Variants in SLIT3 observed in about 807,000 individuals in gnomAD.
SLIT3 encodes the protein slit guidance ligand 3.
A neutral mutation model predicts 184.0 loss-of-function variants in SLIT3; 68 were observed. That is an observed-to-expected ratio of 0.37 (90% confidence interval 0.30 to 0.45). The LOEUF is 0.45. Ranked by LOEUF, SLIT3 falls within the 20% of genes least tolerant of loss-of-function variation. The pLI is 1.00. For missense variants in SLIT3, 1,707 were observed against 2,026.0 expected, an observed-to-expected ratio of 0.84 and a Z score of 3.02; for synonymous variants, 831 against 828.6, an observed-to-expected ratio of 1.00 and a Z score of -0.05.
intron 3 of SLIT3, among the ~76,000 whole-genome samples, chr5:169,210,798 A>G (rs1687193926): frequency 6.6e-6 from 1 of 152,230 alleles, no homozygotes; most frequent in Non-Finnish European, 1.5e-5. Context: ...AAACTGGTTC[A>G]TTGTTTCCAA....
At chr5:169,236,468 G>GT (rs1233351135) in intron 3 of SLIT3, among the ~76,000 whole-genome samples, 2 of 109,528 alleles carry the variant, frequency 1.8e-5, no homozygotes, top group Non-Finnish European at 3.9e-5. Flanking sequence ...CAAGAAAAGT[G>GT]TTTTGTTTTG....
chr5:168,850,113 T>A (rs574346626), intron 5 of SLIT3, among the ~76,000 whole-genome samples: 1 of 152,202 alleles, frequency 6.6e-6, no homozygotes, highest in South Asian at 2.1e-4. Flanking sequence ...AGGAAAAAAA[T>A]TATCTTCAAA....
intron 4 of SLIT3, among the ~76,000 whole-genome samples, chr5:168,952,534 A>AAAAAAAAAAAAAAAAG (rs1271244382): frequency 1.9e-3 from 117 of 60,312 alleles, no homozygotes; most frequent in African/African-American, 8.4e-3. Flanking sequence ...ATGCCAAAAA[A>AAAAAAAAAAAAAAAAG]AAAAAAAAAA....
intron 3 of SLIT3, among the ~76,000 whole-genome samples, chr5:169,208,079 A>AG (rs1383900318): frequency 6.6e-6 from 1 of 152,242 alleles, no homozygotes; most frequent in African/African-American, 2.4e-5. Flanking sequence ...CAAACAGGGA[A>AG]GAAAAAAAAG....
intron 4 of SLIT3, among the ~76,000 whole-genome samples, chr5:168,961,857 CAT>C (rs1491198034): frequency 5.4e-5 from 6 of 110,434 alleles, no homozygotes; most frequent in Admixed American, 1.8e-4. Context: ...TGCATGCACG[CAT>C]GTGTGTGTGT....
chr5:168,819,953 G>A (rs1174984572), intron 7 of SLIT3, among the ~76,000 whole-genome samples: 1 of 152,158 alleles, frequency 6.6e-6, no homozygotes, highest in Non-Finnish European at 1.5e-5. Context: ...CCAGGGTGGT[G>A]AACAGACTCC....
Position 169,115,007 on chromosome 5 carries a change from A to G in SLIT3, c.413+78472T>C, listed in dbSNP as rs143868652. 1.2e-4 allele frequency among the ~76,000 whole-genome samples: 19 copies of G among 152,258 alleles called. No individual in the cohort carries two copies. In the East Asian group the frequency reaches 2.7e-3, roughly 22 times the overall value. On this transcript the variant is annotated intron_variant, in intron 4 of 35. Coordinates refer to ENST00000519560, the MANE Select transcript of SLIT3 (RefSeq NM_003062.4). ...TGCTAATCTGCCTGCATTGGATCCT[A>G]TGGTTTAGAGAATGTACATATTTCC...
At chr5:168,779,096 C>A (rs751340955) in intron 12 of SLIT3, among the ~76,000 whole-genome samples, 3 of 152,236 alleles carry the variant, frequency 2.0e-5, no homozygotes, top group Admixed American at 1.3e-4. Context: ...TTCACAAGGC[C>A]AGGTACTCCC....
intron 6 of SLIT3, among the ~76,000 whole-genome samples, chr5:168,838,758 T>C (rs148972142): frequency 2.0e-5 from 3 of 152,296 alleles, no homozygotes; most frequent in Admixed American, 6.5e-5. Context: ...AAATGACCTT[T>C]TCCCCATTCA....
chr5:168,953,870 T>A (rs2113253454), intron 4 of SLIT3, among the ~76,000 whole-genome samples: 1 of 152,342 alleles, frequency 6.6e-6, no homozygotes, highest in East Asian at 1.9e-4. Flanking sequence ...AAATATTTAT[T>A]TGCCCTTCAA....
intron 12 of SLIT3, among the ~76,000 whole-genome samples, chr5:168,776,433 C>G (rs147675389): frequency 6.6e-6 from 1 of 152,188 alleles, no homozygotes; most frequent in Non-Finnish European, 1.5e-5. Context: ...GCTTTCCCAA[C>G]GTCCCATTAT....
rs972309032 is a variant in SLIT3 at position 168,664,270 on chromosome 5, TG to T, written c.*2183del. ...GCTCACACCTGTAATCCCAGCATTT[TG>T]GGAGACTGAGGCAGGAAGATGGCTT... On this transcript the variant is annotated 3_prime_UTR_variant, in exon 36 of 36. Coordinates refer to ENST00000519560, the MANE Select transcript of SLIT3 (RefSeq NM_003062.4). 6.6e-6 allele frequency: 1 copy of T among 152,234 alleles called. No homozygotes were observed. Among genetic ancestry groups the T allele is most frequent in the Non-Finnish European group, 1.5e-5 (1 of 68,062 alleles). The allele number at this position is 152,234 out of a possible 1,614,324, so 9.4% of individuals were successfully genotyped here. A position where few individuals can be genotyped will look rare whatever the true frequency, so the allele number is the denominator to read the frequency against.
chr5:169,298,526 C>T (rs148674505), intron 1 of SLIT3, among the ~76,000 whole-genome samples: 2 of 152,258 alleles, frequency 1.3e-5, no homozygotes, highest in East Asian at 1.9e-4. Flanking sequence ...GATGTAGTTG[C>T]GAGACCCCAA....
At chr5:168,857,939 G>A (rs1453960552) in intron 5 of SLIT3, among the ~76,000 whole-genome samples, 1 of 152,204 alleles carries the variant, frequency 6.6e-6, no homozygotes, top group Non-Finnish European at 1.5e-5. Context: ...TGCATACGGG[G>A]TTAGACACAA....
chr5:169,101,768 C>A (rs576457757), intron 4 of SLIT3, among the ~76,000 whole-genome samples: 122 of 152,342 alleles, frequency 8.0e-4, no homozygotes, highest in African/African-American at 2.8e-3. Flanking sequence ...TTGCAATATG[C>A]TCTGGCTACC....
chr5:168,851,080 T>C (rs1014298782), intron 5 of SLIT3, among the ~76,000 whole-genome samples: 4 of 152,032 alleles, frequency 2.6e-5, no homozygotes, highest in Non-Finnish European at 5.9e-5. Context: ...TCCCAGCACT[T>C]TGGGAGGCCG....
At chr5:169,030,084 C>A (rs1204179917) in intron 4 of SLIT3, among the ~76,000 whole-genome samples, 3 of 152,178 alleles carry the variant, frequency 2.0e-5, no homozygotes, top group Admixed American at 6.5e-5. Context: ...CCTGCCCTCT[C>A]CTAGGCTGCA....
At chr5:168,879,047 C>T (rs570578642) in intron 5 of SLIT3, among the ~76,000 whole-genome samples, 117 of 152,264 alleles carry the variant, frequency 7.7e-4, no homozygotes, top group Non-Finnish European at 8.4e-4. Context: ...GAAATGTCAG[C>T]GCAAGCAAAG....
At chr5:168,903,445 G>A (rs1760936640) in intron 4 of SLIT3, among the ~76,000 whole-genome samples, 1 of 152,124 alleles carries the variant, frequency 6.6e-6, no homozygotes, top group African/African-American at 2.4e-5. Flanking sequence ...TTCATTTGAG[G>A]TGAGAGCTGG....
Sources: gnomAD v4.1 joint callset for allele counts (sites outside exome capture counted in the v4.1 genomes callset) on GRCh38, gnomAD v4.1.1 for gene constraint, MANE v1.5 for transcripts, NCBI Gene and HGNC (gene_info 2026-07-23, HGNC 2026-07-21) for gene names.